Variants in ROBO2 observed in about 807,000 individuals in gnomAD.
ROBO2 encodes the protein roundabout homolog 2.
ROBO2 carries 53 observed loss-of-function variants against 160.8 expected under a neutral mutation model. That is an observed-to-expected ratio of 0.33 (90% CI 0.26 to 0.41). The LOEUF is 0.41. Ranked by LOEUF, ROBO2 falls within the 10% of genes least tolerant of loss-of-function variation. The pLI is 1.00. For synonymous variants in ROBO2, 664 were observed against 611.7 expected (o/e 1.09, Z -1.26); for missense variants, 1,577 against 1,722.4 (o/e 0.92, Z 1.49).
intron 2 of ROBO2, among the ~76,000 whole-genome samples, chr3:77,271,479 G>A (rs936839125): frequency 6.6e-6 from 1 of 152,180 alleles, no homozygotes. Context: ...AGCCTAGGGT[G>A]TTTAGAAGTA....
At chr3:77,607,530 G>C (rs562590781) in intron 20 of ROBO2, among the ~76,000 whole-genome samples, 2 of 152,192 alleles carry the variant, frequency 1.3e-5, no homozygotes, top group African/African-American at 4.8e-5. Context: ...CACCAGACGG[G>C]AATAAATCAA....
At chr3:75,972,062 A>G (rs2065011947) in intron 2 of ROBO2, among the ~76,000 whole-genome samples, 1 of 151,658 alleles carries the variant, frequency 6.6e-6, no homozygotes, top group Non-Finnish European at 1.5e-5. Context: ...CACCATCTTC[A>G]TGGAAATGGA....
chr3:76,943,045 C>T (rs760932068), intron 2 of ROBO2, among the ~76,000 whole-genome samples: 3 of 152,132 alleles, frequency 2.0e-5, no homozygotes, highest in Non-Finnish European at 1.5e-5. Flanking sequence ...AATGTTTCTC[C>T]TCCAATGTTC....
In ROBO2 at chr3:77,473,896, G is replaced by A. The variant is rs574060340; in HGVS notation, c.389-3518G>A. 3.9e-5 allele frequency among the ~76,000 whole-genome samples: 6 copies of A among 152,164 alleles called. No individual in the cohort carries two copies. In the South Asian group the frequency reaches 6.2e-4, roughly 16 times the overall value. On this transcript the variant is annotated intron_variant, in intron 2 of 25. Transcript: ENST00000461745. ...CACTTGGACATGCTGAACTGAAGAG[G>A]AAGCCTCAAGATCTCTCTGACCTTC...
chr3:76,577,698 G>T, intron 2 of ROBO2, among the ~76,000 whole-genome samples: 2 of 152,072 alleles, frequency 1.3e-5, no homozygotes, highest in East Asian at 1.9e-4. Context: ...TGAGGATTTC[G>T]ATTTCTGCAG....
At chr3:76,612,613 G>A (rs2088221265) in intron 2 of ROBO2, among the ~76,000 whole-genome samples, 5 of 152,096 alleles carry the variant, frequency 3.3e-5, no homozygotes. Flanking sequence ...TTAAAACCTA[G>A]ATAATGGGTT....
In ROBO2 at chr3:75,964,358, T is replaced by G. The variant is rs1949031608; in HGVS notation, c.109+26756T>G. ...TTTTTACGTAAAGCTTTTATATAGT[T>G]CCTTTAAAAATATAATTATCTCATT... On this transcript the variant is annotated intron_variant, in intron 2 of 26. Transcript: ENST00000487694. Among the ~76,000 whole-genome samples, 4 of 151,650 alleles carry G rather than the reference T, an allele frequency of 2.6e-5. No homozygotes were observed. The South Asian group carries it at 8.3e-4, about 31-fold the overall frequency.
chr3:77,000,749 T>C (rs2061295116), intron 2 of ROBO2, among the ~76,000 whole-genome samples: 1 of 152,118 alleles, frequency 6.6e-6, no homozygotes, highest in Non-Finnish European at 1.5e-5. Flanking sequence ...ATTTTGAATA[T>C]AAGAAAGTGG....
At chr3:76,295,009 A>T (rs1708997659) in intron 2 of ROBO2, among the ~76,000 whole-genome samples, 1 of 152,302 alleles carries the variant, frequency 6.6e-6, no homozygotes, top group South Asian at 2.1e-4. Context: ...CCACTAATCC[A>T]GATGGGACAT....
chr3:77,345,515 G>C (rs919744998), intron 2 of ROBO2, among the ~76,000 whole-genome samples: 1 of 152,068 alleles, frequency 6.6e-6, no homozygotes, highest in Non-Finnish European at 1.5e-5. Context: ...AAATAATCTT[G>C]ACATCATGCT....
intron 2 of ROBO2, among the ~76,000 whole-genome samples, chr3:77,321,731 T>C (rs2064723146): frequency 6.6e-6 from 1 of 152,058 alleles, no homozygotes; most frequent in African/African-American, 2.4e-5. Context: ...AGCTATAATT[T>C]AGACAATGTG....
intron 2 of ROBO2, among the ~76,000 whole-genome samples, chr3:77,242,134 G>T (rs1241899230): frequency 6.6e-6 from 1 of 152,130 alleles, no homozygotes; most frequent in African/African-American, 2.4e-5. Context: ...AGCTGGCAGG[G>T]ACTATTAGTG....
At chr3:77,063,128 A>G (rs967872435) in intron 1 of ROBO2, among the ~76,000 whole-genome samples, 1 of 152,158 alleles carries the variant, frequency 6.6e-6, no homozygotes, top group African/African-American at 2.4e-5. Flanking sequence ...TAAAGCATAT[A>G]GGGTGGGAAC....
intron 1 of ROBO2, among the ~76,000 whole-genome samples, chr3:77,073,758 A>G (rs886616564): frequency 2.6e-5 from 4 of 152,106 alleles, no homozygotes; most frequent in Non-Finnish European, 4.4e-5. Flanking sequence ...TGTCTTATTT[A>G]ATGTTTCTTT....
At chr3:76,080,835 G>A (rs1342801295) in intron 2 of ROBO2, among the ~76,000 whole-genome samples, 4 of 152,106 alleles carry the variant, frequency 2.6e-5, no homozygotes, top group Non-Finnish European at 5.9e-5. Flanking sequence ...TTTCTTTGCG[G>A]TACTGCAATT....
At chr3:77,031,521 A>G (rs2063322385) in intron 2 of ROBO2, among the ~76,000 whole-genome samples, 1 of 146,358 alleles carries the variant, frequency 6.8e-6, no homozygotes, top group African/African-American at 2.5e-5. Flanking sequence ...TATATCTACT[A>G]TATAATATAT....
chr3:77,602,237 G>C (rs369918711), exon 20 of ROBO2: 1 of 1,613,990 alleles, frequency 6.2e-7, no homozygotes, highest in Non-Finnish European at 8.5e-7. Flanking sequence ...CCAGGCCAAG[G>C]GGATAAAACA....
chr3:77,268,860 G>T (rs180816813), intron 2 of ROBO2, among the ~76,000 whole-genome samples: 32 of 152,256 alleles, frequency 2.1e-4, no homozygotes, highest in African/African-American at 6.5e-4. Context: ...AAGACCACAG[G>T]TTTCACCAGT....
chr3:77,551,470 C>A (rs1283671087), intron 8 of ROBO2, among the ~76,000 whole-genome samples: 2 of 151,976 alleles, frequency 1.3e-5, no homozygotes, highest in Non-Finnish European at 2.9e-5. Context: ...TTTCAAAGTG[C>A]TGAACAATGC....
Sources: gnomAD v4.1 joint callset for allele counts (sites outside exome capture counted in the v4.1 genomes callset) on GRCh38, gnomAD v4.1.1 for gene constraint, MANE v1.5 for transcripts, NCBI Gene and HGNC (gene_info 2026-07-23, HGNC 2026-07-21) for gene names.